Variants in TPD52 observed in about 807,000 individuals in gnomAD.
TPD52 encodes the protein tumor protein D52, also known as prostate and colon associated protein.
A neutral mutation model predicts 31.3 loss-of-function variants in TPD52; 17 were observed. The ratio of observed to expected loss-of-function variants is 0.54; its 90% CI spans 0.37 to 0.82. TPD52 has a LOEUF of 0.82. Among genes scored for constraint, TPD52 ranks in the 40% least tolerant of loss-of-function variants. The pLI is 0.00. For missense variants in TPD52, 212 were observed against 240.1 expected, an observed-to-expected ratio of 0.88 and a Z score of 0.77; for synonymous variants, 83 against 89.6, an observed-to-expected ratio of 0.93 and a Z score of 0.42.
At chr8:80,077,762 C>G (rs1275316006) in intron 1 of TPD52, among the ~76,000 whole-genome samples, 1 of 152,154 alleles carries the variant, frequency 6.6e-6, no homozygotes, top group Non-Finnish European at 1.5e-5. Context: ...TTCATGCATT[C>G]CACAAAGTTT....
intron 1 of TPD52, among the ~76,000 whole-genome samples, chr8:80,165,710 C>CT (rs1207768602): frequency 6.6e-6 from 1 of 152,174 alleles, no homozygotes; most frequent in African/African-American, 2.4e-5. Flanking sequence ...AACTGCCACT[C>CT]TTTTTTTGAC....
At chr8:80,110,591 T>TAAAAAAAAA (rs1807433936) in intron 1 of TPD52, among the ~76,000 whole-genome samples, 1 of 102,898 alleles carries the variant, frequency 9.7e-6, no homozygotes. Flanking sequence ...AATAAATAAA[T>TAAAAAAAAA]GAAAAAAAAA....
At chr8:80,161,900 T>A (rs1283388151) in intron 1 of TPD52, among the ~76,000 whole-genome samples, 2 of 152,078 alleles carry the variant, frequency 1.3e-5, no homozygotes, top group Admixed American at 6.5e-5. Context: ...GGGCTAATTT[T>A]ATATTTTTTG....
Position 80,037,921 on chromosome 8 carries a change from A to T in TPD52, c.*195T>A. On this transcript the variant is annotated 3_prime_UTR_variant, in exon 8 of 8. Coordinates refer to ENST00000518937, the MANE Select transcript of TPD52 (RefSeq NM_001025253.3). ...CCTAAATAAAGGAACATAAATGTACACTAAAGGGTGTTTCCCAAGAATAGA... is the reference window on the plus strand; with the variant it reads ...CCTAAATAAAGGAACATAAATGTACTCTAAAGGGTGTTTCCCAAGAATAGA... 1 of 604,360 alleles carries T rather than the reference A, an allele frequency of 1.7e-6. No homozygotes were observed. Among genetic ancestry groups the T allele is most frequent in the Non-Finnish European group, 2.7e-6 (1 of 368,378 alleles). 37.4% of individuals were successfully genotyped at this position (604,360 alleles called of 1,614,324 possible). A position where few individuals can be genotyped will look rare whatever the true frequency, so the allele number is the denominator to read the frequency against.
In TPD52 at chr8:80,038,128, C is replaced by T; in HGVS notation, c.612G>A (p.Gln204=). The T allele has an allele frequency of 6.2e-7, 1 of 1,614,066 alleles. No homozygotes were observed. Among genetic ancestry groups the T allele is most frequent in the Non-Finnish European group, 8.5e-7 (1 of 1,179,954 alleles). The change falls in exon 8 of 8, where the codon CAG becomes CAA. Residue 204 remains glutamine (Q), a synonymous_variant. Coordinates refer to ENST00000518937, the MANE Select transcript of TPD52 (RefSeq NM_001025253.3). The stretch of plus-strand genomic sequence containing the variant: ...AAAGGTAGGAATCTCACAGGCTCTC[C>T]TGTGTCTTTTCTGGAAGAGGCTCCG... ...TTTEPLPEKT[Q]ESL
chr8:80,129,362 T>C (rs893680022), intron 1 of TPD52, among the ~76,000 whole-genome samples: 2 of 152,224 alleles, frequency 1.3e-5, no homozygotes, highest in African/African-American at 4.8e-5. Flanking sequence ...ACAGCATGAT[T>C]ATATTAAAAG....
rs369072555 is a variant in TPD52 at position 80,051,632 on chromosome 8, T to C, written c.285-4A>G. ...GGTTTCAGATGTCTTCTTGTAACTA[T>C]ATTAAATTATAAACACACAGAGCAA... is the stretch of plus-strand genomic sequence containing the variant. On this transcript the variant is annotated splice_polypyrimidine_tract_variant and splice_region_variant and intron_variant, in intron 3 of 7. Coordinates refer to ENST00000518937, the MANE Select transcript of TPD52 (RefSeq NM_001025253.3). 1.1e-5 allele frequency: 17 copies of C among 1,587,774 alleles called. No individual in the cohort carries two copies. The East Asian group carries it at 1.4e-4, about 13-fold the overall frequency.
At chr8:80,095,099 C>T (rs1261693008) in intron 1 of TPD52, among the ~76,000 whole-genome samples, 5 of 152,086 alleles carry the variant, frequency 3.3e-5, no homozygotes, top group African/African-American at 1.2e-4. Flanking sequence ...TATTCATGAT[C>T]ACCAAAAACA....
chr8:80,152,737 C>A (rs182336447), intron 1 of TPD52, among the ~76,000 whole-genome samples: 3 of 148,038 alleles, frequency 2.0e-5, no homozygotes, highest in Non-Finnish European at 4.4e-5. Flanking sequence ...GCCGAGATTG[C>A]GCCACTTCAC....
chr8:80,098,058 A>G (rs1304568810), intron 1 of TPD52, among the ~76,000 whole-genome samples: 2 of 152,242 alleles, frequency 1.3e-5, no homozygotes, highest in African/African-American at 4.8e-5. Flanking sequence ...TCTGTTTATA[A>G]TATGGTTTAC....
chr8:80,099,018 ATTTTGTTTTG>A lies in TPD52; in HGVS notation c.20-34435_20-34426del, dbSNP rs948222775. ...ATTTTTAAACTGAGGTAAGTGCACA[ATTTTGTTTTG>A]TTTTGTTTTGTTTTGGGGGCGAGGG... On this transcript the variant is annotated intron_variant, in intron 1 of 7. Coordinates refer to ENST00000518937, the MANE Select transcript of TPD52 (RefSeq NM_001025253.3). Among the ~76,000 whole-genome samples, 71 of 152,218 alleles carry A rather than the reference ATTTTGTTTTG, an allele frequency of 4.7e-4. 1 individual carries two copies. The highest frequency in any genetic ancestry group is 9.0e-4 in the Non-Finnish European group (61 of 68,006).
Position 80,038,152 on chromosome 8 carries a change from C to A in TPD52, c.588G>T (p.Thr196=). ...CCTGTGTCTTTTCTGGAAGAGGCTC[C>A]GTGGTGGTGGCACTAGCATTTGCAG... The part of the protein sequence containing the change: ...NSAANASATT[T]EPLPEKTQES... The change falls in exon 8 of 8, where the codon ACG becomes ACT. Residue 196 remains threonine (T), a synonymous_variant. Transcript: ENST00000518937. The A allele has an allele frequency of 6.2e-7, 1 of 1,614,026 alleles. No homozygotes were observed. The highest frequency in any genetic ancestry group is 8.5e-7 in the Non-Finnish European group (1 of 1,179,960).
At chr8:80,042,160 A>C in intron 7 of TPD52, 1 of 984,362 alleles carries the variant, frequency 1.0e-6, no homozygotes, top group Non-Finnish European at 1.2e-6. Context: ...TGATACAGGA[A>C]AATGATTATG....
chr8:80,130,120 C>A (rs187192776), intron 1 of TPD52, among the ~76,000 whole-genome samples: 3 of 152,238 alleles, frequency 2.0e-5, no homozygotes, highest in Non-Finnish European at 4.4e-5. Context: ...TCAGATTGCT[C>A]AGAGAGAGAA....
In TPD52 at chr8:80,120,123, C is replaced by T. The variant is rs186751405; in HGVS notation, c.19+51302G>A. ...CAGACAGAGGTTTACATACCTTGTA[C>T]CATGTATATATATAAGGATTCAGTA... is the stretch of plus-strand genomic sequence containing the variant. On this transcript the variant is annotated intron_variant, in intron 1 of 7. Coordinates refer to ENST00000518937, the MANE Select transcript of TPD52 (RefSeq NM_001025253.3). Among the ~76,000 whole-genome samples, 69 of 151,982 alleles carry T rather than the reference C, an allele frequency of 4.5e-4. No individual in the cohort carries two copies. The East Asian group carries it at 7.7e-3, about 17-fold the overall frequency.
chr8:80,129,473 A>C (rs1257443082), intron 1 of TPD52, among the ~76,000 whole-genome samples: 1 of 152,214 alleles, frequency 6.6e-6, no homozygotes, highest in Non-Finnish European at 1.5e-5. Flanking sequence ...GGGACGTAGA[A>C]TGCTGGCCGG....
chr8:80,138,922 C>T (rs545180993), intron 1 of TPD52, among the ~76,000 whole-genome samples: 1 of 152,262 alleles, frequency 6.6e-6, no homozygotes, highest in East Asian at 1.9e-4. Flanking sequence ...ACCAGATGAC[C>T]TGTTTCCAGG....
chr8:80,116,709 A>C (rs1445922760), intron 1 of TPD52, among the ~76,000 whole-genome samples: 1 of 152,126 alleles, frequency 6.6e-6, no homozygotes, highest in Admixed American at 6.5e-5. Flanking sequence ...ACGACAGACT[A>C]GTATTTCTAA....
In TPD52 at chr8:80,043,620, G is replaced by A. The variant is rs189329396; in HGVS notation, c.455+547C>T. Among the ~76,000 whole-genome samples the A allele has an allele frequency of 1.2e-4, 19 of 152,200 alleles. No homozygotes were observed. The East Asian group carries it at 2.5e-3, about 20-fold the overall frequency. On this transcript the variant is annotated intron_variant, in intron 6 of 7. Coordinates refer to ENST00000518937, the MANE Select transcript of TPD52 (RefSeq NM_001025253.3). ...CTAGAGGTGGGGCCCAGCAAGCAGC[G>A]GTTTCACAAGCACTCCAAGTGATTT... is the stretch of plus-strand genomic sequence containing the variant.
Sources: allele counts gnomAD v4.1 joint callset (sites outside exome capture counted in the v4.1 genomes callset), GRCh38; gene constraint gnomAD v4.1.1; transcripts MANE v1.5; gene names NCBI Gene and HGNC (gene_info 2026-07-23, HGNC 2026-07-21).